Variants in ZNF664 observed in about 807,000 individuals in gnomAD.
ZNF664 encodes the protein zinc finger Organ of Corti 1.
A neutral mutation model predicts 18.2 loss-of-function variants in ZNF664; 10 were observed. That is an observed-to-expected ratio of 0.55 (90% CI 0.34 to 0.93). The LOEUF is 0.93. ZNF664 is among the 40% of genes least tolerant of loss of function. ZNF664 has a pLI of 0.02. For synonymous variants in ZNF664, 119 were observed against 104.2 expected (o/e 1.14, Z -0.86); for missense variants, 193 against 319.0 (o/e 0.61, Z 3.01).
intron 2 of ZNF664, among the ~76,000 whole-genome samples, chr12:123,976,605 C>G (rs182774635): frequency 6.6e-6 from 1 of 151,940 alleles, no homozygotes; most frequent in Non-Finnish European, 1.5e-5. Context: ...AGATTTGTAT[C>G]TTTAAACAGC....
At chr12:124,002,609 G>C (rs1178176266) in intron 3 of ZNF664, among the ~76,000 whole-genome samples, 1 of 152,162 alleles carries the variant, frequency 6.6e-6, no homozygotes, top group Non-Finnish European at 1.5e-5. Flanking sequence ...GTTATGTTGT[G>C]GAGAGGAGGT....
At chr12:123,985,871 T>C (rs1046431093) in intron 2 of ZNF664, among the ~76,000 whole-genome samples, 2 of 152,228 alleles carry the variant, frequency 1.3e-5, no homozygotes. Flanking sequence ...CACATAAAAT[T>C]AGCTTGTACA....
Position 124,015,264 on chromosome 12 carries a change from A to G in ZNF664, c.*2334A>G, listed in dbSNP as rs535858405. ...TAGTCCTAGAGTTCTATATTTCTAC[A>G]TAGTTGAATTATTTTATCATGCTGT... On this transcript the variant is annotated 3_prime_UTR_variant, in exon 5 of 5. Coordinates refer to ENST00000337815, the MANE Select transcript of ZNF664 (RefSeq NM_152437.3). The G allele has an allele frequency of 1.8e-5, 3 of 167,198 alleles. No individual in the cohort carries two copies. Among genetic ancestry groups the G allele is most frequent in the Admixed American group, 1.3e-4 (2 of 15,304 alleles). 10.4% of individuals were successfully genotyped at this position (167,198 alleles called of 1,614,324 possible).
At chr12:123,987,231 A>G (rs1464973399) in intron 2 of ZNF664, among the ~76,000 whole-genome samples, 3 of 152,196 alleles carry the variant, frequency 2.0e-5, no homozygotes, top group Non-Finnish European at 4.4e-5. Context: ...AAACATGTAA[A>G]TGTCCCATCC....
intron 3 of ZNF664, among the ~76,000 whole-genome samples, chr12:124,001,448 T>C (rs1472933272): frequency 1.3e-5 from 2 of 152,222 alleles, no homozygotes; most frequent in Non-Finnish European, 2.9e-5. Context: ...CATCTGGCAC[T>C]GAGCGTCTCC....
chr12:123,979,991 T>G (rs1956743486), intron 2 of ZNF664, among the ~76,000 whole-genome samples: 2 of 152,158 alleles, frequency 1.3e-5, no homozygotes, highest in African/African-American at 2.4e-5. Flanking sequence ...GCCTATTAGT[T>G]TTTTATATAG....
rs183709375 is a variant in ZNF664 at position 123,985,092 on chromosome 12, C to T, written c.-756-2951C>T. Among the ~76,000 whole-genome samples, 107 of 151,974 alleles carry T rather than the reference C, an allele frequency of 7.0e-4. 1 individual carries two copies. The highest frequency in any genetic ancestry group is 2.3e-3 in the African/African-American group (97 of 41,434). On this transcript the variant is annotated intron_variant, in intron 2 of 4. Coordinates refer to ENST00000337815, the MANE Select transcript of ZNF664 (RefSeq NM_152437.3). ...GGTACAGAATGGTGTGTGGGAGGTG[C>T]ACACAGAAGGTATTATAGATGCTGT...
chr12:123,973,953 G>A lies in ZNF664; in HGVS notation c.-824G>A, dbSNP rs1376682768. 8.1e-7 allele frequency: 1 copy of A among 1,231,852 alleles called. No individual in the cohort carries two copies. The highest frequency in any genetic ancestry group is 1.0e-6 in the Non-Finnish European group (1 of 988,130). 76.3% of individuals were successfully genotyped at this position (1,231,852 alleles called of 1,614,324 possible). On this transcript the variant is annotated 5_prime_UTR_variant, in exon 2 of 5. Transcript: ENST00000337815. ...TGATGAGGAACCCCTCGCGCACCCA[G>A]CGCAGAAGGCTGCTGCCGCCGGACG...
intron 2 of ZNF664, among the ~76,000 whole-genome samples, chr12:123,985,876 TG>T (rs1184010420): frequency 6.6e-6 from 1 of 152,244 alleles, no homozygotes; most frequent in African/African-American, 2.4e-5. Context: ...AAAATTAGCT[TG>T]TACAAAACCA....
At chr12:124,002,599 G>A (rs1471845530) in intron 3 of ZNF664, among the ~76,000 whole-genome samples, 3 of 152,168 alleles carry the variant, frequency 2.0e-5, no homozygotes, top group Non-Finnish European at 4.4e-5. Context: ...GCAGGGCTGG[G>A]TTATGTTGTG....
intron 3 of ZNF664, among the ~76,000 whole-genome samples, chr12:123,993,890 CAT>C (rs1956916753): frequency 6.6e-6 from 1 of 152,176 alleles, no homozygotes; most frequent in Non-Finnish European, 1.5e-5. Flanking sequence ...ACTTTCTCCA[CAT>C]GAGTGGGGCA....
chr12:123,989,012 C>A (rs1218469911), intron 3 of ZNF664, among the ~76,000 whole-genome samples: 1 of 152,130 alleles, frequency 6.6e-6, no homozygotes, highest in African/African-American at 2.4e-5. Flanking sequence ...TGTCATTTCC[C>A]CTGCTGCCAG....
chr12:123,984,610 G>A (rs569406920), intron 2 of ZNF664, among the ~76,000 whole-genome samples: 33 of 152,222 alleles, frequency 2.2e-4, no homozygotes, highest in African/African-American at 7.9e-4. Flanking sequence ...AAAGGGGTGT[G>A]GGGGCCGGGG....
chr12:124,007,479 CCCTGCAGCCACTGCCTTCG>C lies in ZNF664; in HGVS notation c.-660-3884_-660-3866del, dbSNP rs373254353. On this transcript the variant is annotated intron_variant, in intron 3 of 4. Coordinates refer to ENST00000337815, the MANE Select transcript of ZNF664 (RefSeq NM_152437.3). ...TGCCTTTGTCTTTTGCTTGTCGCTG[CCCTGCAGCCACTGCCTTCG>C]CCTGCAGCCACTGCCTTTGCCTGCT... Among the ~76,000 whole-genome samples, 845 of 152,312 alleles carry C rather than the reference CCCTGCAGCCACTGCCTTCG, an allele frequency of 5.5e-3. 4 individuals are homozygous for C. The highest frequency in any genetic ancestry group is 0.019 in the African/African-American group (796 of 41,556).
chr12:123,988,266 C>CG, intron 3 of ZNF664, 128 bp downstream of exon 3: 1 of 771,904 alleles, frequency 1.3e-6, no homozygotes, highest in Non-Finnish European at 1.8e-6. Flanking sequence ...AGCAGCTCTC[C>CG]GTGCACGCTC....
intron 1 of ZNF664, 165 bp downstream of exon 1, chr12:123,973,517 A>C: frequency 2.4e-6 from 1 of 415,894 alleles, no homozygotes; most frequent in Non-Finnish European, 3.2e-6. Flanking sequence ...GGAAGGTCAG[A>C]GCGGCTCCGC....
intron 3 of ZNF664, among the ~76,000 whole-genome samples, chr12:123,990,976 A>G (rs1274362036): frequency 6.6e-6 from 1 of 152,302 alleles, no homozygotes; most frequent in East Asian, 1.9e-4. Context: ...CTCACAGTGG[A>G]ACTTCTGTTT....
chr12:123,994,283 A>G (rs1221392696), intron 3 of ZNF664, among the ~76,000 whole-genome samples: 1 of 152,152 alleles, frequency 6.6e-6, no homozygotes, highest in Non-Finnish European at 1.5e-5. Flanking sequence ...TTTAAAAACC[A>G]TTTTTAAGGA....
At chr12:124,000,724 T>C (rs1162138640) in intron 3 of ZNF664, among the ~76,000 whole-genome samples, 2 of 152,204 alleles carry the variant, frequency 1.3e-5, no homozygotes, top group Non-Finnish European at 2.9e-5. Context: ...TGCTTGTTTT[T>C]CAACTTTATG....
Sources: gnomAD v4.1 joint callset for allele counts (sites outside exome capture counted in the v4.1 genomes callset) on GRCh38, gnomAD v4.1.1 for gene constraint, MANE v1.5 for transcripts, NCBI Gene and HGNC (gene_info 2026-07-23, HGNC 2026-07-21) for gene names.